The following ASZ1 variants were observed in gnomAD, a reference collection of about 807,000 sequenced individuals.
The protein encoded by ASZ1 is ankyrin repeat, SAM and basic leucine zipper domain-containing protein 1.
Under a neutral mutation model 61.8 loss-of-function variants are expected in ASZ1, and 67 were observed. The observed-to-expected ratio is 1.08, with a 90% CI of 0.89 to 1.33. The LOEUF (loss-of-function observed/expected upper bound fraction) is 1.33. ASZ1 is among the 40% of genes most tolerant of loss of function. The probability of loss-of-function intolerance (pLI) is 0.00; values close to 1 mark genes in which losing one functional copy is unlikely to be tolerated. For synonymous variants in ASZ1, 193 were observed against 192.7 expected (o/e 1.00, Z -0.01); for missense variants, 577 against 554.5 (o/e 1.04, Z -0.41).
rs111509270 is a variant in ASZ1, at chr7:117,401,970, T to C, written c.441-16161A>G. ...AGCATATTCTTGAATGGCCCTCATA[T>C]TTTTATCATGTTTTTTTTGAGTGAT... On this transcript the variant is annotated intron_variant, in intron 4 of 12. Coordinates refer to ENST00000284629, the MANE Select transcript of ASZ1 (RefSeq NM_130768.3). Among the ~76,000 whole-genome samples, 650 of 152,308 alleles carry C rather than the reference T, an allele frequency of 4.3e-3. 3 individuals carry two copies. Among genetic ancestry groups the C allele is most frequent in the Non-Finnish European group, 7.2e-3 (489 of 68,020 alleles).
chr7:117,383,918 GAAT>G lies in ASZ1; in HGVS notation c.687+805_687+807del, dbSNP rs560572849. ...TCCTATAAAAATTCTGAAAATATTA[GAAT>G]AATATTTGGAAAATGATAGCCATGT... is the stretch of plus-strand genomic sequence containing the variant. On this transcript the variant is annotated intron_variant, in intron 6 of 12. Coordinates refer to ENST00000284629, the MANE Select transcript of ASZ1 (RefSeq NM_130768.3). 3.3e-5 allele frequency among the ~76,000 whole-genome samples: 5 copies of G among 152,068 alleles called. No individual in the cohort carries two copies. In the South Asian group the frequency reaches 1.0e-3, roughly 32 times the overall value.
At chr7:117,402,849 T>A (rs1340567079) in intron 4 of ASZ1, among the ~76,000 whole-genome samples, 1 of 152,160 alleles carries the variant, frequency 6.6e-6, no homozygotes, top group Non-Finnish European at 1.5e-5. Flanking sequence ...CCTGGACCCT[T>A]AAATGTCTGT....
intron 6 of ASZ1, among the ~76,000 whole-genome samples, 191 bp from the exon 7 acceptor site, chr7:117,383,301 TG>T (rs1264351581): frequency 6.6e-6 from 1 of 152,032 alleles, no homozygotes; most frequent in Non-Finnish European, 1.5e-5. Context: ...GTATATATTT[TG>T]GGGGGTACAT....
At chr7:117,406,808 C>T (rs904916225) in intron 4 of ASZ1, among the ~76,000 whole-genome samples, 2 of 151,166 alleles carry the variant, frequency 1.3e-5, no homozygotes, top group Non-Finnish European at 3.0e-5. Flanking sequence ...AGCACAAATA[C>T]AGGGGTGGAA....
intron 12 of ASZ1, among the ~76,000 whole-genome samples, chr7:117,365,448 ATATGGTT>A (rs1453076582): frequency 5.3e-5 from 8 of 152,188 alleles, no homozygotes; most frequent in Non-Finnish European, 1.2e-4. Context: ...TTTAACAAAA[ATATGGTT>A]TTCTAATTTC....
chr7:117,411,166 T>C (rs763138992), intron 4 of ASZ1, among the ~76,000 whole-genome samples: 43 of 151,774 alleles, frequency 2.8e-4, no homozygotes, highest in Non-Finnish European at 4.4e-4. Context: ...TATCCTATTT[T>C]ATGCTTTCAA....
intron 4 of ASZ1, among the ~76,000 whole-genome samples, chr7:117,416,983 C>G (rs944513301): frequency 4.6e-5 from 7 of 152,108 alleles, no homozygotes; most frequent in African/African-American, 1.4e-4. Context: ...TCTTCCTGCT[C>G]CTAGTACGAA....
At chr7:117,405,728 T>A (rs1796770070) in intron 4 of ASZ1, among the ~76,000 whole-genome samples, 1 of 152,174 alleles carries the variant, frequency 6.6e-6, no homozygotes, top group East Asian at 1.9e-4. Context: ...CTGACTCAAA[T>A]AGGGATAGCA....
intron 4 of ASZ1, among the ~76,000 whole-genome samples, chr7:117,410,147 T>C (rs1646912274): frequency 6.6e-6 from 1 of 151,816 alleles, no homozygotes; most frequent in Non-Finnish European, 1.5e-5. Flanking sequence ...TGTGATTCTT[T>C]AATGGCATCA....
chr7:117,369,709 C>T (rs1796012781), intron 10 of ASZ1, among the ~76,000 whole-genome samples: 1 of 152,158 alleles, frequency 6.6e-6, no homozygotes, highest in South Asian at 2.1e-4. Flanking sequence ...TACGATGATT[C>T]TCAGTTTTTT....
chr7:117,414,380 A>T (rs1010205523), intron 4 of ASZ1, among the ~76,000 whole-genome samples: 1 of 152,204 alleles, frequency 6.6e-6, no homozygotes, highest in East Asian at 1.9e-4. Context: ...CTTAAAACAA[A>T]ATTTGGGTGC....
chr7:117,426,726 T>G, intron 2 of ASZ1, 110 bp downstream of exon 2: 1 of 960,136 alleles, frequency 1.0e-6, no homozygotes, highest in East Asian at 2.5e-5. Context: ...GATGATACAT[T>G]AACATTTGTT....
intron 4 of ASZ1, among the ~76,000 whole-genome samples, chr7:117,410,895 T>G (rs1332623031): frequency 6.6e-6 from 1 of 151,758 alleles, no homozygotes; most frequent in African/African-American, 2.4e-5. Context: ...CTACTTTATT[T>G]TTGTAGTGTA....
chr7:117,416,730 C>T (rs1409411898), intron 4 of ASZ1, among the ~76,000 whole-genome samples: 2 of 152,128 alleles, frequency 1.3e-5, no homozygotes, highest in East Asian at 3.8e-4. Flanking sequence ...TCCAACTGTA[C>T]ACTGAAAATC....
At chr7:117,426,363 G>T (rs539020127) in intron 2 of ASZ1, among the ~76,000 whole-genome samples, 1 of 149,972 alleles carries the variant, frequency 6.7e-6, no homozygotes, top group Admixed American at 6.6e-5. Flanking sequence ...GGTGTCACGC[G>T]CTTGTAGTCC....
intron 4 of ASZ1, among the ~76,000 whole-genome samples, chr7:117,387,579 C>T (rs1034383006): frequency 2.0e-5 from 3 of 152,158 alleles, no homozygotes; most frequent in African/African-American, 7.2e-5. Flanking sequence ...TGACTCTTCT[C>T]TGTCATTCCA....
chr7:117,379,505 T>TA lies in ASZ1; in HGVS notation c.1055+432dup, dbSNP rs572171445. Among the ~76,000 whole-genome samples, 6 of 151,908 alleles carry TA rather than the reference T, an allele frequency of 3.9e-5. No individual in the cohort carries two copies. The South Asian group carries it at 1.2e-3, about 31-fold the overall frequency. ...ATTGGAAATGAAGTTTACATATTGG[T>TA]AACATAATTTCTCATACAGTAAGGC... On this transcript the variant is annotated intron_variant, in intron 10 of 12. Transcript: ENST00000284629.
At chr7:117,380,863 G>T (rs73714639) in intron 9 of ASZ1, 148 bp downstream of exon 9, 1 of 684,808 alleles carries the variant, frequency 1.5e-6, no homozygotes, top group Admixed American at 2.6e-5. Flanking sequence ...TTTTAGATAC[G>T]GTTATCCATA....
chr7:117,370,849 T>TGTGTGTGTGA (rs1491399393), intron 10 of ASZ1, among the ~76,000 whole-genome samples: 4 of 147,584 alleles, frequency 2.7e-5, no homozygotes, highest in African/African-American at 5.0e-5. Flanking sequence ...TGTGTGTGTG[T>TGTGTGTGTGA]GACAGAGTCT....
Sources: gnomAD v4.1 joint callset for allele counts (sites outside exome capture counted in the v4.1 genomes callset) on GRCh38, gnomAD v4.1.1 for gene constraint, MANE v1.5 for transcripts, NCBI Gene and HGNC (gene_info 2026-07-23, HGNC 2026-07-21) for gene names.